HDAC9: variants seen among roughly 807,000 people sequenced by gnomAD.
The protein encoded by HDAC9 is histone deacetylase 9.
HDAC9 carries 41 observed loss-of-function variants against 139.4 expected under a neutral mutation model. The ratio of observed to expected loss-of-function variants is 0.29; its 90% CI spans 0.23 to 0.38. HDAC9 has a LOEUF of 0.38. Ranked by LOEUF, HDAC9 falls within the 10% of genes least tolerant of loss-of-function variation. The probability of loss-of-function intolerance (pLI) is 1.00; values close to 1 mark genes in which losing one functional copy is unlikely to be tolerated. For synonymous variants in HDAC9, 517 were observed against 476.2 expected, an observed-to-expected ratio of 1.09 and a Z score of -1.12; for missense variants, 1,147 against 1,297.0, an observed-to-expected ratio of 0.88 and a Z score of 1.78.
chr7:18,823,394 T>C lies in HDAC9; in HGVS notation c.2323-5767T>C, dbSNP rs899658197. ...ATTGCTGGGCACCACGTAGAGTTTA[T>C]TTAAGGTTTTGTGGTTGTGAATTTA... On this transcript the variant is annotated intron_variant, in intron 17 of 25. Coordinates refer to ENST00000686413, the MANE Select transcript of HDAC9 (RefSeq NM_178425.4). Among the ~76,000 whole-genome samples, 3 of 152,286 alleles carry C rather than the reference T, an allele frequency of 2.0e-5. No individual in the cohort carries two copies. The South Asian group carries it at 6.2e-4, about 32-fold the overall frequency.
At chr7:18,212,191 A>G (rs1791985611) in intron 2 of HDAC9, among the ~76,000 whole-genome samples, 1 of 152,150 alleles carries the variant, frequency 6.6e-6, no homozygotes, top group Non-Finnish European at 1.5e-5. Context: ...ACAACTATGG[A>G]GATTTAAATT....
chr7:18,936,878 A>G (rs1273231936), intron 23 of HDAC9, among the ~76,000 whole-genome samples: 1 of 152,088 alleles, frequency 6.6e-6, no homozygotes, highest in Non-Finnish European at 1.5e-5. Flanking sequence ...CATAGAACAC[A>G]TAGTTACTAT....
At chr7:18,172,938 G>A (rs1434379026) in intron 2 of HDAC9, among the ~76,000 whole-genome samples, 6 of 152,200 alleles carry the variant, frequency 3.9e-5, no homozygotes, top group Non-Finnish European at 7.3e-5. Context: ...TTGATTTGGG[G>A]TGGAGAGTTC....
intron 9 of HDAC9, among the ~76,000 whole-genome samples, chr7:18,645,402 A>G (rs565798455): frequency 3.9e-5 from 6 of 152,296 alleles, no homozygotes; most frequent in Non-Finnish European, 4.4e-5. Context: ...AAGTCCTGAC[A>G]ACTGAAATAG....
At chr7:18,147,926 C>T (rs7341461) in intron 1 of HDAC9, among the ~76,000 whole-genome samples, 3,341 of 151,988 alleles carry the variant, frequency 0.022, 126 homozygotes, top group African/African-American at 0.075. Context: ...GCTCTAGGTC[C>T]GTTGTATTAA....
At chr7:18,829,612 TTC>T in intron 19 of HDAC9, 64 bp downstream of exon 19, 1 of 1,053,856 alleles carries the variant, frequency 9.5e-7, no homozygotes, top group South Asian at 1.4e-5. Flanking sequence ...GGATTTGTAT[TTC>T]TCTGTTAGGT....
intron 1 of HDAC9, among the ~76,000 whole-genome samples, chr7:18,464,985 T>G (rs140563822): frequency 6.4e-4 from 98 of 152,206 alleles, no homozygotes; most frequent in African/African-American, 2.2e-3. Flanking sequence ...CTTATCCCTT[T>G]AATACTTTCT....
At chr7:18,166,616 C>G (rs1033266203) in intron 2 of HDAC9, among the ~76,000 whole-genome samples, 1 of 152,118 alleles carries the variant, frequency 6.6e-6, no homozygotes, top group Non-Finnish European at 1.5e-5. Flanking sequence ...AGCTTCTCTG[C>G]AAGCATTTTT....
At chr7:18,932,833 AAG>A in intron 22 of HDAC9, among the ~76,000 whole-genome samples, 1 of 146,928 alleles carries the variant, frequency 6.8e-6, no homozygotes, top group South Asian at 2.2e-4. Flanking sequence ...AGAAGGAAGG[AAG>A]GAAGGAAGGA....
At chr7:18,718,071 A>G (rs1206754934) in intron 12 of HDAC9, among the ~76,000 whole-genome samples, 1 of 152,126 alleles carries the variant, frequency 6.6e-6, no homozygotes, top group South Asian at 2.1e-4. Context: ...ACCAGAGTCA[A>G]TGTTAGAACA....
At chr7:18,136,447 T>G (rs1238951897) in intron 1 of HDAC9, among the ~76,000 whole-genome samples, 1 of 152,008 alleles carries the variant, frequency 6.6e-6, no homozygotes, top group Non-Finnish European at 1.5e-5. Flanking sequence ...GTCTAACGTT[T>G]AAGTCTTTAA....
At chr7:18,893,033 G>GAAAAAAAAAAAAAAAAAA (rs71960483) in intron 22 of HDAC9, among the ~76,000 whole-genome samples, 3 of 66,890 alleles carry the variant, frequency 4.5e-5, no homozygotes, top group Non-Finnish European at 5.3e-5. Context: ...GTAATAGGCC[G>GAAAAAAAAAAAAAAAAAA]AAAAAAAAAA....
chr7:18,277,276 T>C (rs936148073), intron 2 of HDAC9, among the ~76,000 whole-genome samples: 1 of 152,008 alleles, frequency 6.6e-6, no homozygotes, highest in Non-Finnish European at 1.5e-5. Flanking sequence ...AGGCTCTGCT[T>C]GGATGGAGGA....
chr7:18,125,559 C>T (rs899679352), intron 1 of HDAC9, among the ~76,000 whole-genome samples: 10 of 151,742 alleles, frequency 6.6e-5, no homozygotes, highest in Non-Finnish European at 8.8e-5. Context: ...TTAATGACAA[C>T]ACTTTGGAAA....
intron 1 of HDAC9, among the ~76,000 whole-genome samples, chr7:18,489,147 T>G (rs1796183437): frequency 6.6e-6 from 1 of 152,018 alleles, no homozygotes; most frequent in Non-Finnish European, 1.5e-5. Context: ...GCAGAAATAT[T>G]TATTGAGTGA....
chr7:18,822,262 C>G (rs1795033111), intron 17 of HDAC9, among the ~76,000 whole-genome samples: 1 of 152,192 alleles, frequency 6.6e-6, no homozygotes, highest in African/African-American at 2.4e-5. Flanking sequence ...CCAGGAGCCC[C>G]CAGCCCCCAG....
At chr7:18,823,204 A>C (rs1325329786) in intron 17 of HDAC9, among the ~76,000 whole-genome samples, 1 of 152,148 alleles carries the variant, frequency 6.6e-6, no homozygotes, top group Non-Finnish European at 1.5e-5. Flanking sequence ...TGGTGGAAGA[A>C]TGTAGACATT....
chr7:18,549,589 C>T (rs975825791), intron 2 of HDAC9, among the ~76,000 whole-genome samples: 2 of 152,150 alleles, frequency 1.3e-5, no homozygotes, highest in African/African-American at 4.8e-5. Context: ...AATTTATTAA[C>T]ATTTTAAGGA....
At chr7:18,949,116 C>G (rs994806526) in intron 23 of HDAC9, 2 of 302,770 alleles carry the variant, frequency 6.6e-6, no homozygotes, top group Non-Finnish European at 1.3e-5. Flanking sequence ...GATTCTTGAC[C>G]TTTTGGGTCT....
Sources: allele counts gnomAD v4.1 joint callset (sites outside exome capture counted in the v4.1 genomes callset), GRCh38; gene constraint gnomAD v4.1.1; transcripts MANE v1.5; gene names NCBI Gene and HGNC (gene_info 2026-07-23, HGNC 2026-07-21).